The following IQUB variants were observed in gnomAD, a reference collection of about 807,000 sequenced individuals.
IQUB encodes the protein IQ motif and ubiquitin-like domain-containing protein.
In IQUB, 86 loss-of-function variants were observed where a neutral mutation model predicts 86.4. The ratio of observed to expected loss-of-function variants is 1.00; its 90% CI spans 0.84 to 1.19. The LOEUF is 1.19. Among genes scored for constraint, IQUB ranks in the 50% most tolerant of loss-of-function variants. The pLI is 0.00. For missense variants in IQUB, 946 were observed against 916.9 expected (o/e 1.03, Z -0.41); for synonymous variants, 289 against 304.5 (o/e 0.95, Z 0.53).
chr7:123,512,346 T>C lies in IQUB; in HGVS notation c.-4-2A>G, dbSNP rs753738415. On this transcript the variant is annotated splice_acceptor_variant, in intron 1 of 12. Transcript: ENST00000324698. LOFTEE classifies it low-confidence loss of function (5UTR_SPLICE). ...TTCTCCTGTTGATTAGACATTTTCC[T>C]GAATTAAGAAAAATAAACACATTTA... 4 of 1,523,022 alleles carry C rather than the reference T, an allele frequency of 2.6e-6. No homozygotes were observed. Among genetic ancestry groups the C allele is most frequent in the African/African-American group, 2.8e-5 (2 of 72,244 alleles). The allele number at this position is 1,523,022 out of a possible 1,614,324, so 94.3% of individuals were successfully genotyped here.
At chr7:123,530,383 C>G (rs1241869204) in intron 1 of IQUB, among the ~76,000 whole-genome samples, 1 of 151,152 alleles carries the variant, frequency 6.6e-6, no homozygotes, top group African/African-American at 2.4e-5. Flanking sequence ...TTGCAGTGAG[C>G]TGAGATAGCG....
At chr7:123,506,104 A>T (rs1796165749) in intron 3 of IQUB, among the ~76,000 whole-genome samples, 2 of 152,216 alleles carry the variant, frequency 1.3e-5, no homozygotes, top group Non-Finnish European at 2.9e-5. Context: ...TCTTTGCTAA[A>T]GCATAGCACG....
chr7:123,528,977 G>A (rs1261874058), intron 1 of IQUB, among the ~76,000 whole-genome samples: 1 of 152,146 alleles, frequency 6.6e-6, no homozygotes. Flanking sequence ...TATTAAAAGT[G>A]TGAAATGTAA....
chr7:123,522,116 A>G (rs180999814), intron 1 of IQUB, among the ~76,000 whole-genome samples: 1 of 152,240 alleles, frequency 6.6e-6, no homozygotes, highest in Admixed American at 6.5e-5. Context: ...ACCATTTCTC[A>G]GGGTTCTGTT....
chr7:123,511,908 G>T, intron 2 of IQUB, 36 bp downstream of exon 2: 1 of 1,445,918 alleles, frequency 6.9e-7, no homozygotes, highest in South Asian at 1.4e-5. Context: ...TCTTCAAAAT[G>T]AGAAAATGAA....
intron 7 of IQUB, among the ~76,000 whole-genome samples, chr7:123,485,339 T>C (rs536947719): frequency 1.3e-5 from 2 of 152,220 alleles, no homozygotes; most frequent in South Asian, 2.1e-4. Context: ...ACCAGTTATA[T>C]TGGATTAAGG....
In IQUB at chr7:123,479,972, T is replaced by C; in HGVS notation, c.1235-2A>G. The C allele has an allele frequency of 6.2e-7, 1 of 1,604,630 alleles. No homozygotes were observed. The highest frequency in any genetic ancestry group is 8.5e-7 in the Non-Finnish European group (1 of 1,176,124). On this transcript the variant is annotated splice_acceptor_variant, in intron 7 of 12. Coordinates refer to ENST00000324698, the MANE Select transcript of IQUB (RefSeq NM_178827.5). LOFTEE classifies it high-confidence loss of function. ...GTGTAAGTTCTTCTTGCCGCCAGAC[T>C]AGAGGAATAACACAATAGACTCTTG...
At chr7:123,457,267 G>C (rs1403198240) in intron 12 of IQUB, 114 bp downstream of exon 12, 2 of 1,447,488 alleles carry the variant, frequency 1.4e-6, no homozygotes, top group African/African-American at 1.5e-5. Context: ...CATAAGTTCT[G>C]TTTCTTAATC....
chr7:123,505,541 G>A (rs1182031847), intron 3 of IQUB, among the ~76,000 whole-genome samples: 2 of 152,180 alleles, frequency 1.3e-5, no homozygotes, highest in African/African-American at 2.4e-5. Flanking sequence ...CCATATGGAA[G>A]CCACCAAGGC....
rs546339052 is a variant in IQUB, at chr7:123,512,136, A to C, written c.205T>G (p.Ser69Ala). Residue 69 changes from serine to alanine, a missense_variant, in exon 2 of 13, where the codon TCA becomes GCA. Physicochemically the swap from Ser to Ala is moderately conservative, Grantham distance 99. Coordinates refer to ENST00000324698, the MANE Select transcript of IQUB (RefSeq NM_178827.5). Reference protein sequence around the residue: ...HVEEQSDQSFSSLEPDNEQLM... With the variant: ...HVEEQSDQSFASLEPDNEQLM... ...TGTTCATTGTCTGGTTCCAGGCTTG[A>C]AAAGCTTTGGTCACTCTGCTCCTCA... 1.9e-6 allele frequency: 3 copies of C among 1,614,058 alleles called. No homozygotes were observed. The East Asian group carries it at 6.7e-5, about 36-fold the overall frequency.
intron 3 of IQUB, 114 bp downstream of exon 3, chr7:123,509,787 C>T: frequency 3.4e-6 from 3 of 886,982 alleles, no homozygotes; most frequent in Non-Finnish European, 5.3e-6. Context: ...TGCATAACCA[C>T]AATATAATGT....
chr7:123,503,248 A>T lies in IQUB; in HGVS notation c.648T>A (p.Asp216Glu). 3.7e-6 allele frequency: 6 copies of T among 1,612,310 alleles called. No homozygotes were observed. Among genetic ancestry groups the T allele is most frequent in the Non-Finnish European group, 5.1e-6 (6 of 1,178,998 alleles). ...NPDLYPVRRIDGLTDVSQIIT... is the reference protein window; with the variant it reads ...NPDLYPVRRIEGLTDVSQIIT... ...TGATTTGAGAGACATCAGTTAATCC[A>T]TCTATTCTTCTGACTGGATACAGAT... Residue 216 changes from aspartate (D) to glutamate (E), a missense_variant, in exon 4 of 13, where the codon GAT becomes GAA. Coordinates refer to ENST00000324698, the MANE Select transcript of IQUB (RefSeq NM_178827.5).
chr7:123,501,845 T>A (rs1314993070), intron 6 of IQUB: 1 of 152,170 alleles, frequency 6.6e-6, no homozygotes, highest in Non-Finnish European at 1.5e-5. Flanking sequence ...AATTATATAA[T>A]AACTCCATAT....
At chr7:123,491,801 G>C (rs1455511654) in intron 7 of IQUB, among the ~76,000 whole-genome samples, 1 of 152,106 alleles carries the variant, frequency 6.6e-6, no homozygotes, top group African/African-American at 2.4e-5. Flanking sequence ...GAAAATTGAA[G>C]AGCACAGAGG....
At chr7:123,494,541 A>C (rs918507534) in intron 7 of IQUB, among the ~76,000 whole-genome samples, 1 of 151,950 alleles carries the variant, frequency 6.6e-6, no homozygotes, top group Non-Finnish European at 1.5e-5. Flanking sequence ...AACTAGAAAA[A>C]CCCGAAAGAT....
At chr7:123,511,878 C>A in intron 2 of IQUB, 66 bp downstream of exon 2, 1 of 1,260,790 alleles carries the variant, frequency 7.9e-7, no homozygotes, top group Non-Finnish European at 1.1e-6. Context: ...AAAAATAAGC[C>A]AACAAGAAAA....
At chr7:123,468,907 T>C (rs1199615088) in intron 9 of IQUB, among the ~76,000 whole-genome samples, 2 of 152,196 alleles carry the variant, frequency 1.3e-5, no homozygotes, top group African/African-American at 4.8e-5. Context: ...CTGCTAAAAA[T>C]CAATTTTTCA....
chr7:123,503,175 TTA>T (rs1474878683), intron 4 of IQUB, 25 bp downstream of exon 4: 1 of 1,607,924 alleles, frequency 6.2e-7, no homozygotes, highest in Non-Finnish European at 8.5e-7. Context: ...CAAAAATACT[TTA>T]TCTAAAAGAC....
At chr7:123,529,862 G>C (rs1797446528) in intron 1 of IQUB, among the ~76,000 whole-genome samples, 2 of 151,264 alleles carry the variant, frequency 1.3e-5, no homozygotes, top group East Asian at 3.9e-4. Flanking sequence ...ATAAAACCCT[G>C]TGTCTACCAA....
Sources: allele counts gnomAD v4.1 joint callset (sites outside exome capture counted in the v4.1 genomes callset), GRCh38; gene constraint gnomAD v4.1.1; transcripts MANE v1.5; gene names NCBI Gene and HGNC (gene_info 2026-07-23, HGNC 2026-07-21).